The following CD302 variants were observed in gnomAD, a reference collection of about 807,000 sequenced individuals.
The protein encoded by CD302 is CD302 molecule.
In CD302, 23 loss-of-function variants were observed where a neutral mutation model predicts 26.5. The observed-to-expected ratio is 0.87, with a 90% CI of 0.62 to 1.23. The LOEUF (loss-of-function observed/expected upper bound fraction) is 1.23, where lower values mean the gene tolerates loss of function less well. Ranked by LOEUF, CD302 falls within the 50% of genes most tolerant of loss-of-function variation. CD302 has a pLI of 0.00. For missense variants in CD302, 290 were observed against 275.5 expected (o/e 1.05, Z -0.37); for synonymous variants, 90 against 99.4 (o/e 0.91, Z 0.56).
At chr2:159,798,059 C>T in intron 1 of CD302, 73 bp downstream of exon 1, 1 of 1,397,642 alleles carries the variant, frequency 7.2e-7, no homozygotes, top group African/African-American at 1.5e-5. Context: ...TGCGCGGGGA[C>T]GAAGAGCGTG....
Position 159,771,607 on chromosome 2 carries a change from G to C in CD302, c.*244C>G. 1 of 387,760 alleles carries C rather than the reference G, an allele frequency of 2.6e-6. No homozygotes were observed. The highest frequency in any genetic ancestry group is 4.9e-5 in the East Asian group (1 of 20,476). The allele number at this position is 387,760 out of a possible 1,614,324, so 24.0% of individuals were successfully genotyped here. ...GGGCTTTAAGCTTTCCTTCATTCAA[G>C]TGACAGATTCTGCCTTTGACGGGAT... On this transcript the variant is annotated 3_prime_UTR_variant, in exon 6 of 6. Transcript: ENST00000259053.
At chr2:159,779,876 T>C (rs1708455634) in intron 4 of CD302, 129 bp downstream of exon 4, 1 of 1,075,018 alleles carries the variant, frequency 9.3e-7, no homozygotes, top group South Asian at 2.1e-5. Flanking sequence ...ATGCTGGGAT[T>C]GCAGGCGTGA....
intron 1 of CD302, among the ~76,000 whole-genome samples, chr2:159,792,658 T>TA (rs903041379): frequency 6.6e-5 from 10 of 152,212 alleles, no homozygotes; most frequent in African/African-American, 2.4e-4. Context: ...ATGGACAACT[T>TA]ACGATTTTTT....
At chr2:159,782,169 G>A (rs965119001) in intron 2 of CD302, among the ~76,000 whole-genome samples, 3 of 152,054 alleles carry the variant, frequency 2.0e-5, no homozygotes, top group African/African-American at 7.2e-5. Context: ...TCGGGAGGCT[G>A]AGGCAGGAGA....
intron 4 of CD302, 85 bp downstream of exon 4, chr2:159,779,920 G>T: frequency 6.8e-7 from 1 of 1,476,060 alleles, no homozygotes; most frequent in Non-Finnish European, 9.1e-7. Flanking sequence ...ATTTATTGAG[G>T]CACACTTATC....
intron 1 of CD302, among the ~76,000 whole-genome samples, chr2:159,791,060 T>A: frequency 6.6e-6 from 1 of 152,218 alleles, no homozygotes; most frequent in Non-Finnish European, 1.5e-5. Flanking sequence ...AGGTATATTC[T>A]TATTTCAGTG....
At chr2:159,787,481 A>T (rs1708699180) in intron 1 of CD302, among the ~76,000 whole-genome samples, 1 of 150,878 alleles carries the variant, frequency 6.6e-6, no homozygotes, top group Non-Finnish European at 1.5e-5. Context: ...ATATTCTTTA[A>T]TTTTTTTTCT....
At chr2:159,777,801 C>A in intron 5 of CD302, 137 bp downstream of exon 5, 1 of 410,844 alleles carries the variant, frequency 2.4e-6, no homozygotes, top group Non-Finnish European at 4.4e-6. Context: ...ACTAAGAGAC[C>A]TTTCTACATT....
chr2:159,782,414 C>CAAAAA (rs72068957), intron 2 of CD302, among the ~76,000 whole-genome samples: 28 of 70,658 alleles, frequency 4.0e-4, no homozygotes, highest in African/African-American at 6.7e-4. Context: ...CTCCATCTCA[C>CAAAAA]AAAAAAAAAA....
intron 1 of CD302, among the ~76,000 whole-genome samples, chr2:159,783,757 C>T (rs1328558555): frequency 6.6e-6 from 1 of 152,108 alleles, no homozygotes; most frequent in Non-Finnish European, 1.5e-5. Context: ...AGTGTTATCA[C>T]CAAGGCAACA....
chr2:159,791,929 A>G (rs1708817721), intron 1 of CD302, among the ~76,000 whole-genome samples: 1 of 152,274 alleles, frequency 6.6e-6, no homozygotes, highest in Non-Finnish European at 1.5e-5. Context: ...AGACAAATAC[A>G]TAAAATAATA....
chr2:159,776,490 A>G (rs72996674), intron 5 of CD302, among the ~76,000 whole-genome samples: 12,432 of 151,972 alleles, frequency 0.082, 604 homozygotes, highest in East Asian at 0.14. Flanking sequence ...TGTTTTTCAC[A>G]GAGGCTGCAC....
In CD302 at chr2:159,781,015, G is replaced by A. The variant is rs1169363345; in HGVS notation, c.179-17C>T. Reference sequence around the variant, plus strand: ...TGTCCGCTCCTGAAATTATTTTAAAGAGAAAAAAAGTCAGCATATTCCAGA... The same window carrying A: ...TGTCCGCTCCTGAAATTATTTTAAAAAGAAAAAAAGTCAGCATATTCCAGA... On this transcript the variant is annotated splice_polypyrimidine_tract_variant and intron_variant, in intron 2 of 5. Coordinates refer to ENST00000259053, the MANE Select transcript of CD302 (RefSeq NM_014880.5). The A allele has an allele frequency of 1.3e-6, 2 of 1,583,616 alleles. No individual in the cohort carries two copies. Among genetic ancestry groups the A allele is most frequent in the Admixed American group, 1.9e-5 (1 of 51,904 alleles).
In CD302 at chr2:159,774,496, A is replaced by G. The variant is rs146731223; in HGVS notation, c.497-2443T>C. On this transcript the variant is annotated intron_variant, in intron 5 of 5. Coordinates refer to ENST00000259053, the MANE Select transcript of CD302 (RefSeq NM_014880.5). ...TATATGAAACATTTTGTTAGGCTGT[A>G]GCCTCAGGTGAGAGTGCCAACTGTG... is the stretch of plus-strand genomic sequence containing the variant. Among the ~76,000 whole-genome samples the G allele has an allele frequency of 2.3e-4, 35 of 152,300 alleles. No homozygotes were observed. In the East Asian group the frequency reaches 6.4e-3, roughly 28 times the overall value.
intron 1 of CD302, among the ~76,000 whole-genome samples, chr2:159,790,153 G>T (rs1344119179): frequency 6.6e-6 from 1 of 152,170 alleles, no homozygotes; most frequent in Non-Finnish European, 1.5e-5. Flanking sequence ...GTGTTAAGGG[G>T]TGATGAGAAA....
At position 159,768,663 on chromosome 2, in the gene CD302, C is replaced by G. The variant is rs545983879; in HGVS notation, c.*3188G>C. 6.5e-6 allele frequency: 1 copy of G among 152,706 alleles called. No individual in the cohort carries two copies. Among genetic ancestry groups the G allele is most frequent in the East Asian group, 1.9e-4 (1 of 5,182 alleles). The allele number at this position is 152,706 out of a possible 1,614,324, so 9.5% of individuals were successfully genotyped here. ...AGAATTTTATTACAATTTCAAATCT[C>G]ATTTTAAGCAATAATATAAATGTTC... On this transcript the variant is annotated 3_prime_UTR_variant, in exon 6 of 6. Coordinates refer to ENST00000259053, the MANE Select transcript of CD302 (RefSeq NM_014880.5).
intron 5 of CD302, among the ~76,000 whole-genome samples, chr2:159,773,240 C>A (rs1368652753): frequency 6.6e-6 from 1 of 152,204 alleles, no homozygotes; most frequent in African/African-American, 2.4e-5. Flanking sequence ...TCCGAAACCC[C>A]TGGCTTCAAG....
At chr2:159,779,017 G>A (rs1016064812) in intron 4 of CD302, among the ~76,000 whole-genome samples, 3 of 151,876 alleles carry the variant, frequency 2.0e-5, no homozygotes, top group African/African-American at 7.3e-5. Flanking sequence ...AGATCACAAG[G>A]TCAGGAGTTC....
chr2:159,777,948 T>A lies in CD302; in HGVS notation c.486A>T (p.Lys162Asn). The change falls in exon 5 of 6, where the codon AAA becomes AAT. Residue 162 changes from lysine to asparagine, a missense_variant. Coordinates refer to ENST00000259053, the MANE Select transcript of CD302 (RefSeq NM_014880.5). ...LCKTAIPYKR[K>N]YLSDNHILIS... ...CAAATCATTACTTACCTGATAAATATTTCCTTTTGTATGGGACTAAAATAC... is the reference window on the plus strand; with the variant it reads ...CAAATCATTACTTACCTGATAAATAATTCCTTTTGTATGGGACTAAAATAC... 9.9e-7 allele frequency: 1 copy of A among 1,011,176 alleles called. No homozygotes were observed. The highest frequency in any genetic ancestry group is 1.4e-6 in the Non-Finnish European group (1 of 707,330). The allele number at this position is 1,011,176 out of a possible 1,614,324, so 62.6% of individuals were successfully genotyped here.
Sources: gnomAD v4.1 joint callset for allele counts (sites outside exome capture counted in the v4.1 genomes callset) on GRCh38, gnomAD v4.1.1 for gene constraint, MANE v1.5 for transcripts, NCBI Gene and HGNC (gene_info 2026-07-23, HGNC 2026-07-21) for gene names.